DIP2B: variants seen among roughly 807,000 people sequenced by gnomAD.
The protein encoded by DIP2B is DIP2 acetate--CoA ligase B (putative).
DIP2B carries 76 observed loss-of-function variants against 198.0 expected under a neutral mutation model. The observed-to-expected ratio is 0.38, with a 90% CI of 0.32 to 0.46. DIP2B has a LOEUF of 0.46. DIP2B is among the 20% of genes least tolerant of loss of function. The pLI, the probability that DIP2B is intolerant of heterozygous loss-of-function variation, is 0.99. For missense variants in DIP2B, 1,559 were observed against 1,978.4 expected, an observed-to-expected ratio of 0.79 and a Z score of 4.02; for synonymous variants, 701 against 739.1, an observed-to-expected ratio of 0.95 and a Z score of 0.84.
chr12:50,666,888 G>C (rs1425929097), intron 4 of DIP2B, among the ~76,000 whole-genome samples: 1 of 152,174 alleles, frequency 6.6e-6, no homozygotes, highest in Admixed American at 6.5e-5. Flanking sequence ...CGGGCATGGT[G>C]GCGGGCGCCT....
intron 1 of DIP2B, among the ~76,000 whole-genome samples, chr12:50,511,610 G>C (rs1958017520): frequency 6.6e-6 from 1 of 150,988 alleles, no homozygotes; most frequent in East Asian, 2.0e-4. Flanking sequence ...TATTTTCTAA[G>C]TATTTAAATT....
chr12:50,635,237 T>G (rs1451332607), intron 2 of DIP2B, among the ~76,000 whole-genome samples: 3 of 152,190 alleles, frequency 2.0e-5, no homozygotes, highest in African/African-American at 7.2e-5. Context: ...TCCTGTGACT[T>G]ACTTCGTCTT....
At chr12:50,719,790 G>A (rs943289530) in intron 25 of DIP2B, among the ~76,000 whole-genome samples, 15 of 150,648 alleles carry the variant, frequency 1.0e-4, no homozygotes, top group African/African-American at 2.2e-4. Context: ...GCAGTGAGCC[G>A]AAAATGCGCC....
At chr12:50,718,106 G>T (rs1939766576) in intron 23 of DIP2B, among the ~76,000 whole-genome samples, 1 of 149,466 alleles carries the variant, frequency 6.7e-6, no homozygotes, top group Non-Finnish European at 1.5e-5. Flanking sequence ...CACCATGTTG[G>T]CCAGGATGGT....
chr12:50,578,504 C>CTTTTT (rs62685162), intron 1 of DIP2B, among the ~76,000 whole-genome samples: 12 of 111,614 alleles, frequency 1.1e-4, no homozygotes, highest in Non-Finnish European at 1.1e-4. Flanking sequence ...GTTATTTGCT[C>CTTTTT]TTTTTTTTTT....
chr12:50,607,108 C>CTTT (rs35474259), intron 1 of DIP2B, among the ~76,000 whole-genome samples: 11 of 144,154 alleles, frequency 7.6e-5, no homozygotes, highest in South Asian at 6.7e-4. Context: ...TGCTTGGCTT[C>CTTT]TTTTTTTTTT....
chr12:50,531,192 C>T (rs1958213855), intron 1 of DIP2B, among the ~76,000 whole-genome samples: 1 of 152,146 alleles, frequency 6.6e-6, no homozygotes, highest in Non-Finnish European at 1.5e-5. Flanking sequence ...ACTACAGATG[C>T]CTGTCACCAC....
rs1592146891 is a variant in DIP2B at position 50,732,354 on chromosome 12, G to T, written c.3811-12G>T. ...CCTACTGACTTGGCTCCCATATAAT[G>T]GTGTCTTGCAGACCAGAGGGATCAA... On this transcript the variant is annotated splice_polypyrimidine_tract_variant and intron_variant, in intron 31 of 37. Transcript: ENST00000301180. 8.1e-6 allele frequency: 13 copies of T among 1,613,900 alleles called. No individual in the cohort carries two copies. Among genetic ancestry groups the T allele is most frequent in the Non-Finnish European group, 1.1e-5 (13 of 1,179,828 alleles).
chr12:50,683,105 C>G, intron 9 of DIP2B, 33 bp from the exon 10 acceptor site: 1 of 1,523,408 alleles, frequency 6.6e-7, no homozygotes, highest in Non-Finnish European at 9.0e-7. Context: ...GTTTTTATTC[C>G]TCTGTTAAAC....
At chr12:50,637,925 T>G (rs549453718) in intron 2 of DIP2B, among the ~76,000 whole-genome samples, 29 of 152,344 alleles carry the variant, frequency 1.9e-4, no homozygotes, top group African/African-American at 7.0e-4. Flanking sequence ...AGAAACATAT[T>G]AGACTCTGAT....
intron 1 of DIP2B, among the ~76,000 whole-genome samples, chr12:50,603,005 A>G (rs999846824): frequency 2.6e-5 from 4 of 151,336 alleles, no homozygotes; most frequent in African/African-American, 9.7e-5. Context: ...TCTACTAAAA[A>G]TACAAAAAAT....
At chr12:50,627,012 C>G (rs890722421) in intron 2 of DIP2B, among the ~76,000 whole-genome samples, 13 of 152,108 alleles carry the variant, frequency 8.5e-5, no homozygotes, top group African/African-American at 2.7e-4. Flanking sequence ...ACACTGACAG[C>G]TAATTTAAGA....
chr12:50,724,904 T>C lies in DIP2B; in HGVS notation c.3400+18T>C. ...TGACACAGGTGAAAGGGAGACTTCT[T>C]CTGAGGGTGGAGGGACTGAGAGCTC... On this transcript the variant is annotated intron_variant, in intron 28 of 37. Transcript: ENST00000301180. The C allele has an allele frequency of 4.3e-6, 7 of 1,611,188 alleles. No individual in the cohort carries two copies. Among genetic ancestry groups the C allele is most frequent in the Non-Finnish European group, 5.9e-6 (7 of 1,177,324 alleles).
chr12:50,512,931 C>T lies in DIP2B; in HGVS notation c.100+7691C>T, dbSNP rs376699242. ...CTGAGGCAGGAGAATTGCTTGAACC[C>T]GGGAGGCGGAGGTTGCAGTGAGCTA... On this transcript the variant is annotated intron_variant, in intron 1 of 37. Coordinates refer to ENST00000301180, the MANE Select transcript of DIP2B (RefSeq NM_173602.3). 4.9e-3 allele frequency among the ~76,000 whole-genome samples: 751 copies of T among 152,204 alleles called. 9 individuals carry two copies. Among genetic ancestry groups the T allele is most frequent in the African/African-American group, 0.017 (709 of 41,512 alleles).
At chr12:50,635,751 A>G (rs1938148969) in intron 2 of DIP2B, among the ~76,000 whole-genome samples, 1 of 152,172 alleles carries the variant, frequency 6.6e-6, no homozygotes, top group African/African-American at 2.4e-5. Context: ...GTCCTTGTGT[A>G]AGTATATGAA....
intron 2 of DIP2B, among the ~76,000 whole-genome samples, chr12:50,630,757 C>T (rs1431907097): frequency 6.0e-5 from 9 of 149,348 alleles, no homozygotes; most frequent in East Asian, 2.0e-4. Flanking sequence ...CTGCAACCTC[C>T]GCCTCCCCAG....
At chr12:50,602,408 A>G (rs576823178) in intron 1 of DIP2B, among the ~76,000 whole-genome samples, 3 of 152,192 alleles carry the variant, frequency 2.0e-5, no homozygotes, top group Admixed American at 2.0e-4. Flanking sequence ...AGCTGGGAAT[A>G]CAGGCACACA....
At chr12:50,583,734 C>T (rs1593629562) in intron 1 of DIP2B, among the ~76,000 whole-genome samples, 2 of 152,280 alleles carry the variant, frequency 1.3e-5, no homozygotes, top group Non-Finnish European at 2.9e-5. Flanking sequence ...AGCATCTGTG[C>T]AGATAACACT....
intron 1 of DIP2B, among the ~76,000 whole-genome samples, chr12:50,613,591 G>A (rs1959049377): frequency 6.6e-6 from 1 of 152,138 alleles, no homozygotes. Context: ...TCAATACAGT[G>A]GGGTAAAAAG....
Sources: allele counts gnomAD v4.1 joint callset (sites outside exome capture counted in the v4.1 genomes callset), GRCh38; gene constraint gnomAD v4.1.1; transcripts MANE v1.5; gene names NCBI Gene and HGNC (gene_info 2026-07-23, HGNC 2026-07-21).